The following RBPMS variants were observed in gnomAD, a reference collection of about 807,000 sequenced individuals.
The protein encoded by RBPMS is RNA binding protein, mRNA processing factor.
In RBPMS, 7 loss-of-function variants were observed where a neutral mutation model predicts 26.8. The observed-to-expected ratio is 0.26, with a 90% CI of 0.15 to 0.49. RBPMS has a LOEUF of 0.49. Among genes scored for constraint, RBPMS ranks in the 20% least tolerant of loss-of-function variants. The probability of loss-of-function intolerance (pLI) is 0.98; values close to 1 mark genes in which losing one functional copy is unlikely to be tolerated. For synonymous variants in RBPMS, 96 were observed against 93.3 expected (o/e 1.03, Z -0.17); for missense variants, 186 against 250.0 (o/e 0.74, Z 1.73).
At chr8:30,544,768 C>G in intron 6 of RBPMS, 144 bp downstream of exon 6, 2 of 1,595,764 alleles carry the variant, frequency 1.3e-6, no homozygotes. Context: ...CTAAATCAAG[C>G]TGACACTCCT....
At chr8:30,389,098 C>G (rs1807469983) in intron 1 of RBPMS, among the ~76,000 whole-genome samples, 1 of 152,210 alleles carries the variant, frequency 6.6e-6, no homozygotes, top group Admixed American at 6.5e-5. Flanking sequence ...TAAAGTCAAT[C>G]TACATTGTGA....
At chr8:30,427,088 G>A (rs1811447652) in intron 1 of RBPMS, among the ~76,000 whole-genome samples, 1 of 152,118 alleles carries the variant, frequency 6.6e-6, no homozygotes, top group Non-Finnish European at 1.5e-5. Context: ...ACCACGCCAG[G>A]CCGACCTCCC....
At chr8:30,520,796 T>G (rs988184126) in intron 5 of RBPMS, among the ~76,000 whole-genome samples, 4 of 152,112 alleles carry the variant, frequency 2.6e-5, no homozygotes, top group African/African-American at 7.2e-5. Flanking sequence ...TTTACAGCTT[T>G]GTGAGAATAA....
chr8:30,563,440 G>C lies in RBPMS; in HGVS notation c.*8-2817G>C, dbSNP rs1011648143. On this transcript the variant is annotated intron_variant, in intron 7 of 8. Coordinates refer to ENST00000397323, the MANE Select transcript of RBPMS (RefSeq NM_001008710.3). ...GAGAGTGAGGCAGCTTTCTTTGATG[G>C]ATATTCAAAGAGTTGAACTGTTCTT... is the stretch of plus-strand genomic sequence containing the variant. Among the ~76,000 whole-genome samples the C allele has an allele frequency of 2.6e-5, 4 of 152,206 alleles. No homozygotes were observed. In the East Asian group the frequency reaches 7.7e-4, roughly 29 times the overall value.
intron 1 of RBPMS, among the ~76,000 whole-genome samples, chr8:30,441,307 G>T (rs138145875): frequency 6.6e-6 from 1 of 152,294 alleles, no homozygotes; most frequent in East Asian, 1.9e-4. Context: ...AGCGGGTCTG[G>T]TGCAGTGTAT....
intron 5 of RBPMS, among the ~76,000 whole-genome samples, chr8:30,516,455 C>T (rs75580315): frequency 0.011 from 1,728 of 152,230 alleles, 38 homozygotes; most frequent in African/African-American, 0.039. Context: ...TTTATTTCTG[C>T]TGTGTATTCT....
intron 7 of RBPMS, among the ~76,000 whole-genome samples, chr8:30,561,141 T>C (rs1230611363): frequency 2.0e-5 from 3 of 152,210 alleles, no homozygotes; most frequent in Non-Finnish European, 2.9e-5. Flanking sequence ...ATTTTGTGAA[T>C]TCTAAAAGTT....
intron 8 of RBPMS, among the ~76,000 whole-genome samples, chr8:30,568,670 C>T (rs757089127): frequency 2.0e-5 from 3 of 152,154 alleles, no homozygotes; most frequent in Non-Finnish European, 4.4e-5. Flanking sequence ...CTAATCAGAG[C>T]CTTATGCGTT....
chr8:30,478,271 A>G (rs1225892593), intron 3 of RBPMS, among the ~76,000 whole-genome samples: 4 of 152,172 alleles, frequency 2.6e-5, no homozygotes, highest in Non-Finnish European at 4.4e-5. Context: ...AACGTACAAA[A>G]TGGAAGTGGT....
At chr8:30,557,786 A>C (rs796574697) in intron 6 of RBPMS, among the ~76,000 whole-genome samples, 1 of 152,242 alleles carries the variant, frequency 6.6e-6, no homozygotes, top group Non-Finnish European at 1.5e-5. Flanking sequence ...GGAGGCGGGC[A>C]TCTCTTGCCT....
intron 1 of RBPMS, among the ~76,000 whole-genome samples, chr8:30,463,966 T>C (rs530237405): frequency 6.6e-6 from 1 of 152,226 alleles, no homozygotes; most frequent in South Asian, 2.1e-4. Context: ...CTAGGCAACA[T>C]AGGGAGACCT....
intron 4 of RBPMS, 115 bp from the exon 5 acceptor site, chr8:30,504,171 G>T (rs1354201395): frequency 6.7e-6 from 7 of 1,042,768 alleles, no homozygotes; most frequent in Non-Finnish European, 1.0e-5. Context: ...AATGAGAGTG[G>T]TTGCTGACCT....
intron 7 of RBPMS, among the ~76,000 whole-genome samples, chr8:30,559,861 G>A (rs1275316013): frequency 6.6e-6 from 1 of 152,130 alleles, no homozygotes; most frequent in African/African-American, 2.4e-5. Context: ...GCCTTTCCTT[G>A]GAGACTTCTA....
intron 1 of RBPMS, among the ~76,000 whole-genome samples, chr8:30,417,207 CAAT>C (rs967139208): frequency 2.0e-5 from 3 of 152,042 alleles, no homozygotes; most frequent in Admixed American, 6.6e-5. Context: ...AGGTTTGTTA[CAAT>C]GTTAAAATAT....
At chr8:30,449,138 C>T (rs554863403) in intron 1 of RBPMS, among the ~76,000 whole-genome samples, 3 of 152,210 alleles carry the variant, frequency 2.0e-5, no homozygotes, top group South Asian at 4.2e-4. Flanking sequence ...CATTGTGGCA[C>T]GTATTCCTTC....
At chr8:30,550,114 T>A (rs968688522) in intron 6 of RBPMS, among the ~76,000 whole-genome samples, 6 of 152,166 alleles carry the variant, frequency 3.9e-5, no homozygotes, top group Non-Finnish European at 8.8e-5. Flanking sequence ...CCTCCCAAAG[T>A]GCTGGGATTA....
intron 5 of RBPMS, among the ~76,000 whole-genome samples, chr8:30,507,380 G>A (rs1040449097): frequency 6.6e-6 from 1 of 152,198 alleles, no homozygotes; most frequent in Non-Finnish European, 1.5e-5. Context: ...TATAGTGTAT[G>A]TAAAGTACTA....
chr8:30,543,915 T>C (rs1216524965), intron 5 of RBPMS, among the ~76,000 whole-genome samples: 1 of 152,242 alleles, frequency 6.6e-6, no homozygotes, highest in Non-Finnish European at 1.5e-5. Flanking sequence ...ACTTCAATTC[T>C]CTGAATTTTT....
intron 5 of RBPMS, among the ~76,000 whole-genome samples, chr8:30,511,478 AAAAAAAAAATATATATATATATATATAT>A (rs1821610298): frequency 5.8e-5 from 1 of 17,194 alleles, no homozygotes; most frequent in African/African-American, 1.9e-4. Context: ...AAAGAAAAAA[AAAAAAAAAATATATATATATATATATAT>A]ATATATATAT....
Sources: allele counts gnomAD v4.1 joint callset (sites outside exome capture counted in the v4.1 genomes callset), GRCh38; gene constraint gnomAD v4.1.1; transcripts MANE v1.5; gene names NCBI Gene and HGNC (gene_info 2026-07-23, HGNC 2026-07-21).